The following NECTIN2 variants were observed in gnomAD, a reference collection of about 807,000 sequenced individuals.
NECTIN2 encodes nectin cell adhesion molecule 2.
A neutral mutation model predicts 56.9 loss-of-function variants in NECTIN2; 23 were observed. That is an observed-to-expected ratio of 0.40 (90% confidence interval 0.29 to 0.57). The LOEUF (loss-of-function observed/expected upper bound fraction) is 0.57. Among genes scored for constraint, NECTIN2 ranks in the 20% least tolerant of loss-of-function variants. The pLI, the probability that NECTIN2 is intolerant of heterozygous loss-of-function variation, is 0.38. For missense variants in NECTIN2, 587 were observed against 718.3 expected, an observed-to-expected ratio of 0.82 and a Z score of 2.09; for synonymous variants, 302 against 313.8, an observed-to-expected ratio of 0.96 and a Z score of 0.40.
intron 8 of NECTIN2, 109 bp downstream of exon 8, chr19:44,886,328 GGT>G (rs1324913961): frequency 2.2e-6 from 2 of 889,782 alleles, no homozygotes; most frequent in African/African-American, 3.3e-5. Flanking sequence ...CAAGGTCAAG[GGT>G]GTGTCCCCGG....
intron 1 of NECTIN2, among the ~76,000 whole-genome samples, chr19:44,860,395 C>G (rs1368148777): frequency 6.6e-6 from 1 of 152,112 alleles, no homozygotes; most frequent in African/African-American, 2.4e-5. Context: ...CACCTGTAGT[C>G]TCAGCTACTT....
At chr19:44,873,816 C>T (rs542832572) in intron 3 of NECTIN2, 100 bp from the exon 4 acceptor site, 36 of 881,754 alleles carry the variant, frequency 4.1e-5, no homozygotes, top group Non-Finnish European at 5.7e-5. Context: ...TACCTCCTGC[C>T]AACCCGCCCC....
chr19:44,864,012 T>TC (rs1555786362), intron 1 of NECTIN2, among the ~76,000 whole-genome samples: 43,047 of 146,548 alleles, frequency 0.29, 6,327 homozygotes, highest in Middle Eastern at 0.44. Context: ...TTCAGAGGAT[T>TC]CCCCCCCCCC....
At chr19:44,882,398 G>A (rs1369907600) in intron 6 of NECTIN2, 34 bp downstream of exon 6, 2 of 1,360,422 alleles carry the variant, frequency 1.5e-6, no homozygotes, top group East Asian at 5.9e-5. Context: ...GGATGGGAGA[G>A]GGGTCGAAGA....
At chr19:44,853,725 G>T (rs914418783) in intron 1 of NECTIN2, among the ~76,000 whole-genome samples, 3 of 152,214 alleles carry the variant, frequency 2.0e-5, no homozygotes, top group Non-Finnish European at 4.4e-5. Flanking sequence ...CTGACCTCGT[G>T]ATCCGCCCTC....
intron 5 of NECTIN2, chr19:44,878,198 C>CA: frequency 1.6e-6 from 1 of 639,970 alleles, no homozygotes; most frequent in South Asian, 1.9e-5. Flanking sequence ...CTCTCTCTCT[C>CA]ACCCCTCCTT....
chr19:44,876,625 G>A (rs904652870), intron 5 of NECTIN2, among the ~76,000 whole-genome samples: 2 of 152,134 alleles, frequency 1.3e-5, no homozygotes, highest in African/African-American at 4.8e-5. Context: ...TCTGAGCCAC[G>A]AACCCACATC....
rs114662395 is a variant in NECTIN2 at position 44,852,603 on chromosome 19, T to C, written c.88+5990T>C. 4.3e-3 allele frequency among the ~76,000 whole-genome samples: 648 copies of C among 151,468 alleles called. 2 individuals carry two copies. The highest frequency in any genetic ancestry group is 0.015 in the African/African-American group (613 of 41,300). On this transcript the variant is annotated intron_variant, in intron 1 of 8. Coordinates refer to ENST00000252483, the MANE Select transcript of NECTIN2 (RefSeq NM_001042724.2). The stretch of plus-strand genomic sequence containing the variant: ...GCAGAGGAGGGCGTGTTCTGCACTT[T>C]CTAGCAGGATCCTTCTAGCTGTGCA...
chr19:44,848,736 C>T (rs1426091882), intron 1 of NECTIN2, among the ~76,000 whole-genome samples: 1 of 151,614 alleles, frequency 6.6e-6, no homozygotes, highest in Non-Finnish European at 1.5e-5. Flanking sequence ...CTCTTCATCT[C>T]TCTTCGTTTC....
intron 1 of NECTIN2, among the ~76,000 whole-genome samples, chr19:44,849,715 A>C (rs1306296631): frequency 2.0e-5 from 3 of 152,148 alleles, no homozygotes; most frequent in Non-Finnish European, 2.9e-5. Flanking sequence ...GGCTTGTGAG[A>C]AGAGAACCCC....
At chr19:44,876,094 C>G (rs112211838) in intron 5 of NECTIN2, among the ~76,000 whole-genome samples, 5 of 152,084 alleles carry the variant, frequency 3.3e-5, no homozygotes, top group Non-Finnish European at 7.4e-5. Flanking sequence ...CGAAACTCCC[C>G]GAAACTCCTC....
At chr19:44,867,509 C>T (rs941449992) in intron 2 of NECTIN2, among the ~76,000 whole-genome samples, 5 of 152,134 alleles carry the variant, frequency 3.3e-5, no homozygotes, top group East Asian at 1.9e-4. Flanking sequence ...AAGTCCAGTC[C>T]GGGCAGGAAG....
intron 2 of NECTIN2, among the ~76,000 whole-genome samples, chr19:44,867,249 C>T (rs149208609): frequency 2.4e-3 from 358 of 152,152 alleles, no homozygotes; most frequent in African/African-American, 8.1e-3. Flanking sequence ...CTTGAACTCC[C>T]GACCTCAGGT....
intron 5 of NECTIN2, chr19:44,878,328 T>G: frequency 6.5e-7 from 1 of 1,538,406 alleles, no homozygotes; most frequent in Non-Finnish European, 8.8e-7. Flanking sequence ...TTGGCCTTCA[T>G]CCTGCTGAGG....
At chr19:44,879,868 C>T (rs1230177573) in intron 5 of NECTIN2, among the ~76,000 whole-genome samples, 1 of 152,190 alleles carries the variant, frequency 6.6e-6, no homozygotes, top group Non-Finnish European at 1.5e-5. Context: ...AGTGCTGGGG[C>T]TGCAGCTGTG....
chr19:44,878,282 A>C, intron 5 of NECTIN2: 1 of 1,219,946 alleles, frequency 8.2e-7, no homozygotes, highest in Non-Finnish European at 1.2e-6. Flanking sequence ...CGTGGGGGGG[A>C]CACTGCTGGT....
At chr19:44,870,855 G>A (rs1211906503) in intron 2 of NECTIN2, among the ~76,000 whole-genome samples, 6 of 150,698 alleles carry the variant, frequency 4.0e-5, no homozygotes, top group Admixed American at 6.7e-5. Context: ...TCAGCCTCCC[G>A]AGTACCTGGG....
At chr19:44,882,646 A>G (rs986477055) in intron 6 of NECTIN2, among the ~76,000 whole-genome samples, 15 of 138,828 alleles carry the variant, frequency 1.1e-4, no homozygotes, top group Admixed American at 7.5e-4. Context: ...GAGCCCAGGA[A>G]TTTGAGCCCA....
rs1304522495 is a variant in NECTIN2, at chr19:44,846,629, G to A, written c.88+16G>A. ...CTGGAAACCGGTGAGACGAGCGGAC[G>A]GCCCCCTGCCCTCGCGCGGACCCCC... On this transcript the variant is annotated intron_variant, in intron 1 of 8. Coordinates refer to ENST00000252483, the MANE Select transcript of NECTIN2 (RefSeq NM_001042724.2). The A allele has an allele frequency of 2.6e-6, 4 of 1,522,886 alleles. No homozygotes were observed. Among genetic ancestry groups the A allele is most frequent in the East Asian group, 5.2e-5 (2 of 38,832 alleles). 94.3% of individuals were successfully genotyped at this position (1,522,886 alleles called of 1,614,324 possible). A position where few individuals can be genotyped will look rare whatever the true frequency, so the allele number is the denominator to read the frequency against.
Sources: gnomAD v4.1 joint callset for allele counts (sites outside exome capture counted in the v4.1 genomes callset) on GRCh38, gnomAD v4.1.1 for gene constraint, MANE v1.5 for transcripts, NCBI Gene and HGNC (gene_info 2026-07-23, HGNC 2026-07-21) for gene names.